ACBD3: variants seen among roughly 807,000 people sequenced by gnomAD.
ACBD3 encodes acyl-CoA binding domain containing 3.
ACBD3 carries 30 observed loss-of-function variants against 66.9 expected under a neutral mutation model. That is an observed-to-expected ratio of 0.45 (90% confidence interval 0.34 to 0.61). The LOEUF (loss-of-function observed/expected upper bound fraction) is 0.61. Among genes scored for constraint, ACBD3 ranks in the 20% least tolerant of loss-of-function variants. The pLI is 0.02. For missense variants in ACBD3, 544 were observed against 664.5 expected (o/e 0.82, Z 1.99); for synonymous variants, 278 against 259.8 (o/e 1.07, Z -0.68).
At position 226,159,356 on chromosome 1, in the gene ACBD3, T is replaced by C. The variant is rs1046942711; in HGVS notation, c.731A>G (p.Gln244Arg). 45 of 1,613,970 alleles carry C rather than the reference T, an allele frequency of 2.8e-5. No homozygotes were observed. Among genetic ancestry groups the C allele is most frequent in the Non-Finnish European group, 3.7e-5 (44 of 1,179,958 alleles). ...EERLRLEQQK[Q>R]QIMAALNSQT... ...GGAGTTTAAAGCTGCCATTATCTGC[T>C]GCCTAAAAACATTAAAAATATATAT... Residue 244 changes from glutamine to arginine, a missense_variant and splice_region_variant, in exon 5 of 8, where the codon CAG (glutamine) becomes CGG (arginine). Gln to Arg is a conservative substitution (Grantham distance 43, BLOSUM62 1). Coordinates refer to ENST00000366812, the MANE Select transcript of ACBD3 (RefSeq NM_022735.4).
chr1:226,165,525 CT>C (rs1659861214), intron 2 of ACBD3, among the ~76,000 whole-genome samples: 1 of 152,130 alleles, frequency 6.6e-6, no homozygotes, highest in Admixed American at 6.6e-5. Context: ...TCAATGTATT[CT>C]TTTTTTGTCA....
intron 3 of ACBD3, 74 bp from the exon 4 acceptor site, chr1:226,161,763 A>G: frequency 2.0e-6 from 3 of 1,477,584 alleles, no homozygotes; most frequent in Non-Finnish European, 2.7e-6. Flanking sequence ...CTCCCAGGGA[A>G]AACTGACATG....
intron 4 of ACBD3, 71 bp downstream of exon 4, chr1:226,161,460 C>T: frequency 6.3e-7 from 1 of 1,597,636 alleles, no homozygotes; most frequent in South Asian, 1.1e-5. Flanking sequence ...ACCTGGCCCG[C>T]TCATTTCTTA....
chr1:226,165,820 T>A (rs2306121), intron 2 of ACBD3, 39 bp downstream of exon 2: 683,049 of 1,587,708 alleles, frequency 0.43, 148,601 homozygotes, highest in African/African-American at 0.5. Flanking sequence ...TTGCCAACAT[T>A]ATCCTCATTA....
chr1:226,163,839 G>T (rs1011376637), intron 3 of ACBD3, among the ~76,000 whole-genome samples: 5 of 151,976 alleles, frequency 3.3e-5, no homozygotes, highest in Non-Finnish European at 1.5e-5. Flanking sequence ...GAATAACATC[G>T]GCTGGGCAAG....
At position 226,161,705 on chromosome 1, in the gene ACBD3, A is replaced by G; in HGVS notation, c.570-16T>C. 1.3e-6 allele frequency: 2 copies of G among 1,566,870 alleles called. No homozygotes were observed. The highest frequency in any genetic ancestry group is 1.7e-6 in the Non-Finnish European group (2 of 1,156,616). ...TTCCTCCTTCCTACAAGGCAAAGAT[A>G]GAGAATGAACCCTATACGTTGAATC... On this transcript the variant is annotated splice_polypyrimidine_tract_variant and intron_variant, in intron 3 of 7. Transcript: ENST00000366812.
intron 1 of ACBD3, among the ~76,000 whole-genome samples, chr1:226,176,806 A>T (rs1045635393): frequency 6.6e-6 from 1 of 152,194 alleles, no homozygotes; most frequent in African/African-American, 2.4e-5. Flanking sequence ...ATAATCAGCA[A>T]AATTATAAGG....
intron 1 of ACBD3, among the ~76,000 whole-genome samples, chr1:226,170,218 C>A (rs1659966562): frequency 6.9e-6 from 1 of 145,670 alleles, no homozygotes; most frequent in Admixed American, 7.0e-5. Context: ...AGTGCAGTGG[C>A]ATGATCTCGG....
At chr1:226,149,864 A>G (rs561154032) in intron 7 of ACBD3, among the ~76,000 whole-genome samples, 13 of 151,888 alleles carry the variant, frequency 8.6e-5, no homozygotes, top group Admixed American at 2.6e-4. Context: ...TTGTAAGTAC[A>G]GTAATTTGTA....
At position 226,161,629 on chromosome 1, in the gene ACBD3, C is replaced by A; in HGVS notation, c.630G>T (p.Glu210Asp). The A allele has an allele frequency of 6.2e-7, 1 of 1,613,664 alleles. No homozygotes were observed. The highest frequency in any genetic ancestry group is 8.5e-7 in the Non-Finnish European group (1 of 1,179,848). Residue 210 changes from glutamate to aspartate, a missense_variant, in exon 4 of 8, where the codon GAG (glutamate) becomes GAT (aspartate). Physicochemically the swap from Glu to Asp is conservative, Grantham distance 45. Transcript: ENST00000366812. The part of the protein sequence containing the change: ...EEEERERLQK[E>D]EEKRRREEEE... ...CTTCTTCTCTCCTACGTTTCTCTTCCTCCTTTTGCAGACGTTCTCTTTCTT... is the reference window on the plus strand; with the variant it reads ...CTTCTTCTCTCCTACGTTTCTCTTCATCCTTTTGCAGACGTTCTCTTTCTT...
chr1:226,170,675 G>GA (rs912552593), intron 1 of ACBD3, among the ~76,000 whole-genome samples: 4 of 151,994 alleles, frequency 2.6e-5, no homozygotes, highest in Admixed American at 2.6e-4. Context: ...AAGTGGATAT[G>GA]AAAAAAATTT....
At chr1:226,150,858 A>G (rs939453379) in intron 7 of ACBD3, among the ~76,000 whole-genome samples, 28 of 152,200 alleles carry the variant, frequency 1.8e-4, no homozygotes, top group African/African-American at 6.5e-4. Flanking sequence ...ATAATGAAGG[A>G]TTTTAAATCT....
Position 226,186,677 on chromosome 1 carries a change from TC to T in ACBD3, c.-3del. On this transcript the variant is annotated 5_prime_UTR_variant, in exon 1 of 8. Coordinates refer to ENST00000366812, the MANE Select transcript of ACBD3 (RefSeq NM_022735.4). ...CTCTGCGTTCAGCACCGCCGCCATC[TC>T]CGGCTGCTGCACCTCCTCAGCGGGG... 6.7e-7 allele frequency: 1 copy of T among 1,497,498 alleles called. No individual in the cohort carries two copies. Among genetic ancestry groups the T allele is most frequent in the South Asian group, 1.2e-5 (1 of 80,650 alleles). The allele number at this position is 1,497,498 out of a possible 1,614,324, so 92.8% of individuals were successfully genotyped here.
chr1:226,171,200 T>A (rs770534520), intron 1 of ACBD3, among the ~76,000 whole-genome samples: 5 of 150,614 alleles, frequency 3.3e-5, no homozygotes, highest in Admixed American at 6.7e-5. Context: ...CAGGCTGGAG[T>A]GTGGTGGCAC....
intron 4 of ACBD3, 107 bp from the exon 5 acceptor site, chr1:226,159,465 AC>A: frequency 9.7e-7 from 1 of 1,030,574 alleles, no homozygotes; most frequent in Non-Finnish European, 1.4e-6. Context: ...CTTAAAAACA[AC>A]TAAGCTAGTA....
At chr1:226,179,793 G>C (rs1404798900) in intron 1 of ACBD3, among the ~76,000 whole-genome samples, 1 of 152,016 alleles carries the variant, frequency 6.6e-6, no homozygotes, top group Non-Finnish European at 1.5e-5. Flanking sequence ...AGAAGGCAGA[G>C]GTTGCAGTGA....
intron 1 of ACBD3, among the ~76,000 whole-genome samples, chr1:226,170,696 C>T (rs1659977724): frequency 6.7e-6 from 1 of 149,828 alleles, no homozygotes; most frequent in Admixed American, 6.6e-5. Context: ...TTTGAAATCC[C>T]TGACTATTGC....
chr1:226,174,172 T>C (rs1655964843), intron 1 of ACBD3, among the ~76,000 whole-genome samples: 1 of 152,092 alleles, frequency 6.6e-6, no homozygotes, highest in Non-Finnish European at 1.5e-5. Flanking sequence ...TTGTAGAAAC[T>C]CAAAAATCTT....
chr1:226,163,861 C>CTG (rs981339852), intron 3 of ACBD3, among the ~76,000 whole-genome samples: 9 of 152,134 alleles, frequency 5.9e-5, no homozygotes, highest in Non-Finnish European at 1.0e-4. Flanking sequence ...TGGCTCATGC[C>CTG]TGTAATCCCA....
Sources: allele counts gnomAD v4.1 joint callset (sites outside exome capture counted in the v4.1 genomes callset), GRCh38; gene constraint gnomAD v4.1.1; transcripts MANE v1.5; gene names NCBI Gene and HGNC (gene_info 2026-07-23, HGNC 2026-07-21).